The following SCAF1 variants were observed in gnomAD, a reference collection of about 807,000 sequenced individuals.
The protein encoded by SCAF1 is splicing factor, arginine/serine-rich 19.
In SCAF1, 28 loss-of-function variants were observed where a neutral mutation model predicts 91.2. That is an observed-to-expected ratio of 0.31 (90% CI 0.23 to 0.42). The LOEUF (loss-of-function observed/expected upper bound fraction) is 0.42. SCAF1 is among the 10% of genes least tolerant of loss of function. The probability of loss-of-function intolerance (pLI) is 1.00; values close to 1 mark genes in which losing one functional copy is unlikely to be tolerated. For synonymous variants in SCAF1, 1,036 were observed against 833.7 expected (o/e 1.24, Z -4.18); for missense variants, 1,893 against 1,872.1 (o/e 1.01, Z -0.21).
In SCAF1 at chr19:49,652,542, C is replaced by T. The variant is rs2081104879; in HGVS notation, c.2153C>T (p.Pro718Leu). The change falls in exon 7 of 11, where the codon CCC becomes CTC. Residue 718 changes from proline (P) to leucine (L), a missense_variant. This residue lies in a region of SCAF1 where 1,436 missense variants were observed against 1,306.8 expected (regional missense o/e 1.10). Transcript: ENST00000360565. ...GRLDKSDPRG[P>L]SPAPASSPKR... ...CTTGACAAGTCCGACCCCCGAGGACCCTCTCCTGCTCCGGCCTCCTCACCT... is the reference window on the plus strand; with the variant it reads ...CTTGACAAGTCCGACCCCCGAGGACTCTCTCCTGCTCCGGCCTCCTCACCT... The T allele has an allele frequency of 3.2e-6, 5 of 1,569,670 alleles. No homozygotes were observed. The highest frequency in any genetic ancestry group is 4.3e-6 in the Non-Finnish European group (5 of 1,156,642).
rs1599836316 is a variant in SCAF1, at chr19:49,658,468, A to G, written c.*69A>G. The G allele has an allele frequency of 1.2e-6, 1 of 813,358 alleles. No homozygotes were observed. Among genetic ancestry groups the G allele is most frequent in the South Asian group, 1.7e-5 (1 of 58,702 alleles). 50.4% of individuals were successfully genotyped at this position (813,358 alleles called of 1,614,324 possible). On this transcript the variant is annotated 3_prime_UTR_variant, in exon 11 of 11. Transcript: ENST00000360565. Reference sequence around the variant, plus strand: ...GACGTATTTATGGCTCCACCTCCCCACCTCCCTCCCCCGTCAGTGGGATGA... The same window carrying G: ...GACGTATTTATGGCTCCACCTCCCCGCCTCCCTCCCCCGTCAGTGGGATGA...
rs1220498409 is a variant in SCAF1, at chr19:49,651,290, C to T, written c.901C>T (p.Leu301=). 2 of 1,611,334 alleles carry T rather than the reference C, an allele frequency of 1.2e-6. No individual in the cohort carries two copies. The highest frequency in any genetic ancestry group is 1.7e-6 in the Non-Finnish European group (2 of 1,179,800). ...SQSISRISET[L]AGIYDDNSLS... ...GAGCATCAGCCGCATCTCGGAGACC[C>T]TGGCGGGCATCTACGATGACAACAG... The change falls in exon 7 of 11, where the codon CTG becomes TTG. Residue 301 remains leucine (L), a synonymous_variant. Coordinates refer to ENST00000360565, the MANE Select transcript of SCAF1 (RefSeq NM_021228.3).
chr19:49,653,821 G>A, intron 7 of SCAF1, 116 bp downstream of exon 7: 1 of 1,037,664 alleles, frequency 9.6e-7, no homozygotes, highest in South Asian at 1.9e-5. Flanking sequence ...TAGGGACATA[G>A]ACTGGGAGGG....
chr19:49,646,926 A>G lies in SCAF1; in HGVS notation c.478+96A>G. On this transcript the variant is annotated intron_variant, in intron 6 of 10. Coordinates refer to ENST00000360565, the MANE Select transcript of SCAF1 (RefSeq NM_021228.3). The surrounding 1 kb of genome is among the most constrained non-coding windows in gnomAD (Gnocchi z 5.6). ...GATGGTAGCGGTGATCATGTTATTT[A>G]GACAAAACCTTTCCCTTCTCTTCGT... is the stretch of plus-strand genomic sequence containing the variant. The G allele has an allele frequency of 2.3e-6, 2 of 861,796 alleles. No homozygotes were observed. The highest frequency in any genetic ancestry group is 3.5e-6 in the Non-Finnish European group (2 of 563,440). The allele number at this position is 861,796 out of a possible 1,614,324, so 53.4% of individuals were successfully genotyped here.
Position 49,652,013 on chromosome 19 carries a change from G to A in SCAF1, c.1624G>A (p.Ala542Thr), listed in dbSNP as rs1409186994. 1.7e-6 allele frequency: 2 copies of A among 1,204,552 alleles called. No homozygotes were observed. The highest frequency in any genetic ancestry group is 4.7e-5 in the Admixed American group (1 of 21,322). The allele number at this position is 1,204,552 out of a possible 1,614,324, so 74.6% of individuals were successfully genotyped here. A position where few individuals can be genotyped will look rare whatever the true frequency, so the allele number is the denominator to read the frequency against. ...CTCGTCCTCGTCGGGCACCCAGCCA[G>A]CGCCGCCCGCCCCGGCCTCGCCCTG... Reference protein sequence around the residue: ...AASSSSGTQPAPPAPASPWDS... With the variant: ...AASSSSGTQPTPPAPASPWDS... Residue 542 changes from alanine (A) to threonine (T), a missense_variant, in exon 7 of 11, where the codon GCG becomes ACG. This residue lies in a region of SCAF1 where 1,436 missense variants were observed against 1,306.8 expected (regional missense o/e 1.10). Transcript: ENST00000360565.
chr19:49,654,731 G>T lies in SCAF1; in HGVS notation c.3479G>T (p.Gly1160Val). The change falls in exon 9 of 11, where the codon GGC (glycine) becomes GTC (valine). Residue 1160 changes from glycine to valine, a missense_variant. By Grantham distance (109) the Gly-to-Val change is moderately radical (BLOSUM62 -3). This residue lies in a region of SCAF1 where 1,436 missense variants were observed against 1,306.8 expected (regional missense o/e 1.10). Transcript: ENST00000360565. The part of the protein sequence containing the change: ...PVPTSLGLPP[G>V]PSSYLLPGSL... ...CCCACCTCTTTGGGTCTGCCCCCTG[G>T]CCCCTCCAGCTACCTGCTTCCTGGC... The T allele has an allele frequency of 6.2e-7, 1 of 1,614,002 alleles. No homozygotes were observed. Among genetic ancestry groups the T allele is most frequent in the Non-Finnish European group, 8.5e-7 (1 of 1,179,950 alleles).
Position 49,645,496 on chromosome 19 carries a change from C to T in SCAF1, c.166+85C>T, listed in dbSNP as rs952824206. 9.1e-6 allele frequency: 13 copies of T among 1,432,532 alleles called. No individual in the cohort carries two copies. In the Middle Eastern group the frequency reaches 5.4e-4, roughly 59 times the overall value. 88.7% of individuals were successfully genotyped at this position (1,432,532 alleles called of 1,614,324 possible). A position where few individuals can be genotyped will look rare whatever the true frequency, so the allele number is the denominator to read the frequency against. On this transcript the variant is annotated intron_variant, in intron 3 of 10. Transcript: ENST00000360565. The surrounding 1 kb of genome is among the most constrained non-coding windows in gnomAD (Gnocchi z 4.6). ...GTCATTCATACAAGCTTTTCTGAAG[C>T]CTCCTGGGTGCCACCCTTGTGCTGG...
At position 49,652,721 on chromosome 19, in the gene SCAF1, C is replaced by G. The variant is rs751197713; in HGVS notation, c.2332C>G (p.Arg778Gly). ...SRRKALDGGD[R>G]DRDRDRDRDR... is the part of the protein sequence containing the mutation. ...TCGGAAGGCGCTGGACGGGGGTGAC[C>G]GGGATCGGGACAGGGACAGAGATAG... Residue 778 changes from arginine to glycine, a missense_variant, in exon 7 of 11, where the codon CGG (arginine) becomes GGG (glycine). By Grantham distance (125) the Arg-to-Gly change is moderately radical (BLOSUM62 -2). Coordinates refer to ENST00000360565, the MANE Select transcript of SCAF1 (RefSeq NM_021228.3). The G allele has an allele frequency of 7.5e-6, 12 of 1,594,594 alleles. No individual in the cohort carries two copies. The Admixed American group carries it at 8.8e-5, about 12-fold the overall frequency.
Position 49,651,900 on chromosome 19 carries a change from C to T in SCAF1, c.1511C>T (p.Ala504Val). ...YRQRSPSPAP[A>V]PAPAAAAGPP... ...CAGCGCTCGCCCTCCCCGGCGCCCG[C>T]GCCCGCCCCGGCCGCCGCTGCTGGT... Residue 504 changes from alanine (A) to valine (V), a missense_variant, in exon 7 of 11, where the codon GCG becomes GTG. Physicochemically the swap from Ala to Val is moderately conservative, Grantham distance 64. This residue lies in a region of SCAF1 where 1,436 missense variants were observed against 1,306.8 expected (regional missense o/e 1.10). Coordinates refer to ENST00000360565, the MANE Select transcript of SCAF1 (RefSeq NM_021228.3). The T allele has an allele frequency of 1.7e-6, 2 of 1,162,616 alleles. No individual in the cohort carries two copies. The highest frequency in any genetic ancestry group is 2.3e-5 in the South Asian group (1 of 44,398). 72.0% of individuals were successfully genotyped at this position (1,162,616 alleles called of 1,614,324 possible).
At position 49,646,282 on chromosome 19, in the gene SCAF1, G is replaced by A. The variant is rs1214073502; in HGVS notation, c.261+80G>A. 3.3e-6 allele frequency: 4 copies of A among 1,209,914 alleles called. No homozygotes were observed. Among genetic ancestry groups the A allele is most frequent in the Non-Finnish European group, 4.6e-6 (4 of 862,170 alleles). The allele number at this position is 1,209,914 out of a possible 1,614,324, so 74.9% of individuals were successfully genotyped here. A position where few individuals can be genotyped will look rare whatever the true frequency, so the allele number is the denominator to read the frequency against. Reference sequence around the variant, plus strand: ...ATGGGGGCCTGAGTCTGGGGGAATGGGGTTTGGGGACCTGGACTCCTGGCT... The same window carrying A: ...ATGGGGGCCTGAGTCTGGGGGAATGAGGTTTGGGGACCTGGACTCCTGGCT... On this transcript the variant is annotated intron_variant, in intron 4 of 10. Coordinates refer to ENST00000360565, the MANE Select transcript of SCAF1 (RefSeq NM_021228.3). The surrounding 1 kb of genome is among the most constrained non-coding windows in gnomAD (Gnocchi z 5.6).
In SCAF1 at chr19:49,651,886, C is replaced by T; in HGVS notation, c.1497C>T (p.Pro499=). The T allele has an allele frequency of 7.5e-6, 9 of 1,194,512 alleles. No homozygotes were observed. Among genetic ancestry groups the T allele is most frequent in the African/African-American group, 1.7e-5 (1 of 59,808 alleles). The allele number at this position is 1,194,512 out of a possible 1,614,324, so 74.0% of individuals were successfully genotyped here. Residue 499 remains proline (P), a synonymous_variant, in exon 7 of 11, where the codon CCC becomes CCT. Coordinates refer to ENST00000360565, the MANE Select transcript of SCAF1 (RefSeq NM_021228.3). ...QRRERYRQRS[P]SPAPAPAPAA... is the part of the protein sequence containing the mutation. Reference sequence around the variant, plus strand: ...GGGAGCGCTACCGCCAGCGCTCGCCCTCCCCGGCGCCCGCGCCCGCCCCGG... The same window carrying T: ...GGGAGCGCTACCGCCAGCGCTCGCCTTCCCCGGCGCCCGCGCCCGCCCCGG...
Position 49,651,878 on chromosome 19 carries a change from C to T in SCAF1, c.1489C>T (p.Arg497Cys), listed in dbSNP as rs910351022. 2.5e-6 allele frequency: 3 copies of T among 1,214,720 alleles called. No homozygotes were observed. Among genetic ancestry groups the T allele is most frequent in the African/African-American group, 3.3e-5 (2 of 60,030 alleles). The allele number at this position is 1,214,720 out of a possible 1,614,324, so 75.2% of individuals were successfully genotyped here. The change falls in exon 7 of 11, where the codon CGC (arginine) becomes TGC (cysteine). Residue 497 changes from arginine (R) to cysteine (C), a missense_variant. Transcript: ENST00000360565. Reference sequence around the variant, plus strand: ...CCAACGGCGGGAGCGCTACCGCCAGCGCTCGCCCTCCCCGGCGCCCGCGCC... The same window carrying T: ...CCAACGGCGGGAGCGCTACCGCCAGTGCTCGCCCTCCCCGGCGCCCGCGCC... The part of the protein sequence containing the change: ...LTQRRERYRQ[R>C]SPSPAPAPAP...
Position 49,646,616 on chromosome 19 carries a change from C to A in SCAF1, c.352C>A (p.Arg118=). 6.2e-7 allele frequency: 1 copy of A among 1,614,022 alleles called. No individual in the cohort carries two copies. The highest frequency in any genetic ancestry group is 8.5e-7 in the Non-Finnish European group (1 of 1,179,922). ...CTGGGTTCCCAGCCGCCTGGACCTG[C>A]GGCCTGGCGAGTGAGTAGCTGGGCA... is the stretch of plus-strand genomic sequence containing the variant. ...DTWVPSRLDL[R]PGESEDMLEL... is the part of the protein sequence containing the mutation. The change falls in exon 5 of 11, where the codon CGG becomes AGG. Residue 118 remains arginine (R), a synonymous_variant. Transcript: ENST00000360565. This position sits in a 1 kb window ranked among gnomAD's most constrained non-coding sequence, Gnocchi z 5.6.
At position 49,653,012 on chromosome 19, in the gene SCAF1, C is replaced by G; in HGVS notation, c.2623C>G (p.Pro875Ala). The change falls in exon 7 of 11, where the codon CCC becomes GCC. Residue 875 changes from proline to alanine, a missense_variant. Physicochemically the swap from Pro to Ala is conservative, Grantham distance 27 (BLOSUM62 -1). Around this residue, in one of 5 missense-constraint regions of SCAF1, gnomAD observed 1,436 missense variants for 1,306.8 expected, o/e 1.10. Transcript: ENST00000360565. ...CAGCCGTGACCGCGAGAGTCGCTCCCCCTTCCTCAAACCTGACGAGCGGGC... is the reference window on the plus strand; with the variant it reads ...CAGCCGTGACCGCGAGAGTCGCTCCGCCTTCCTCAAACCTGACGAGCGGGC... ...KFSRDRESRS[P>A]FLKPDERAPT... The G allele has an allele frequency of 6.2e-7, 1 of 1,614,034 alleles. No homozygotes were observed.
Position 49,651,008 on chromosome 19 carries a change from T to TCC in SCAF1, c.622_623dup (p.Pro209LeufsTer103). On this transcript the variant is annotated frameshift_variant, in exon 7 of 11. Transcript: ENST00000360565. LOFTEE classifies it high-confidence loss of function. ...CCCTTCTCCCTCATCTTCCTCCCCT[T>TCC]CCCCTCCCCCACCCCCACCGCCCCC... The TCC allele has an allele frequency of 1.7e-6, 1 of 583,736 alleles. No individual in the cohort carries two copies. Among genetic ancestry groups the TCC allele is most frequent in the Non-Finnish European group, 2.6e-6 (1 of 389,048 alleles). 36.2% of individuals were successfully genotyped at this position (583,736 alleles called of 1,614,324 possible).
In SCAF1 at chr19:49,656,157, G is replaced by A. The variant is rs10416712; in HGVS notation, c.3618+1287G>A. Among the ~76,000 whole-genome samples the A allele has an allele frequency of 3.0e-3, 380 of 128,392 alleles. 1 individual carries two copies. The highest frequency in any genetic ancestry group is 0.015 in the African/African-American group (363 of 24,992). The allele number at this position is 128,392 out of a possible 152,430, so 84.2% of individuals were successfully genotyped here. A position where few individuals can be genotyped will look rare whatever the true frequency, so the allele number is the denominator to read the frequency against. ...GCTTGTGCCTTGCGCTGCAGGACTC[G>A]GACGGTGAGGACCCCCTGGTCTACA... On this transcript the variant is annotated intron_variant, in intron 9 of 10. Coordinates refer to ENST00000360565, the MANE Select transcript of SCAF1 (RefSeq NM_021228.3).
rs1038790446 is a variant in SCAF1 at position 49,652,604 on chromosome 19, G to A, written c.2215G>A (p.Gly739Ser). 5 of 1,563,786 alleles carry A rather than the reference G, an allele frequency of 3.2e-6. No homozygotes were observed. The highest frequency in any genetic ancestry group is 2.7e-5 in the African/African-American group (2 of 73,582). Residue 739 changes from glycine (G) to serine (S), a missense_variant, in exon 7 of 11, where the codon GGC becomes AGC. By Grantham distance (56) the Gly-to-Ser change is moderately conservative. This residue lies in a region of SCAF1 where 1,436 missense variants were observed against 1,306.8 expected (regional missense o/e 1.10). Coordinates refer to ENST00000360565, the MANE Select transcript of SCAF1 (RefSeq NM_021228.3). ...CCTGTACGACTCCGAGGGACTGAGC[G>A]GCGAGGAGCGGGGCGGCAAGAGCAG... ...EVLYDSEGLS[G>S]EERGGKSSQK...
In SCAF1 at chr19:49,653,600, G is replaced by T; in HGVS notation, c.3211G>T (p.Glu1071Ter). ...GTCCACAGCCGGTGACTCGGGGGCG[G>T]AGGACGGGCCAGCTTCCCGTGTCTC... ...AGSTAGDSGA[E>*]DGPASRVSQL... The change falls in exon 7 of 11, where the codon GAG (glutamate) becomes TAG (stop). Residue 1071 changes from glutamate to a stop codon, truncating the protein, a stop_gained. Coordinates refer to ENST00000360565, the MANE Select transcript of SCAF1 (RefSeq NM_021228.3). LOFTEE classifies it high-confidence loss of function. 1 of 1,583,714 alleles carries T rather than the reference G, an allele frequency of 6.3e-7. No homozygotes were observed.
In SCAF1 at chr19:49,658,513, G is replaced by A. The variant is rs2081162901; in HGVS notation, c.*114G>A. On this transcript the variant is annotated 3_prime_UTR_variant, in exon 11 of 11. Coordinates refer to ENST00000360565, the MANE Select transcript of SCAF1 (RefSeq NM_021228.3). ...GGATGACTGGGGGAGGGTTGCTGCA[G>A]GGAAGAGGAGAGCCCCCTGCCCTGC... The A allele has an allele frequency of 4.5e-6, 3 of 665,080 alleles. No individual in the cohort carries two copies. Among genetic ancestry groups the A allele is most frequent in the South Asian group, 3.7e-5 (2 of 53,710 alleles). 41.2% of individuals were successfully genotyped at this position (665,080 alleles called of 1,614,324 possible).
Sources: allele counts gnomAD v4.1 joint callset (sites outside exome capture counted in the v4.1 genomes callset), GRCh38; gene constraint gnomAD v4.1.1; regional missense constraint gnomAD v4.1.1; non-coding constraint Gnocchi (gnomAD v3.1); transcripts MANE v1.5; gene names NCBI Gene and HGNC (gene_info 2026-07-23, HGNC 2026-07-21).